The following CTNNA3 variants were observed in gnomAD, a reference collection of about 807,000 sequenced individuals.
CTNNA3 encodes catenin alpha-3.
A neutral mutation model predicts 95.7 loss-of-function variants in CTNNA3; 76 were observed. The observed-to-expected ratio is 0.79, with a 90% confidence interval of 0.66 to 0.96. The LOEUF (loss-of-function observed/expected upper bound fraction) is 0.96, where lower values mean the gene tolerates loss of function less well. Ranked by LOEUF, CTNNA3 falls within the 40% of genes least tolerant of loss-of-function variation. The pLI is 0.00. For synonymous variants in CTNNA3, 431 were observed against 374.4 expected (o/e 1.15, Z -1.74); for missense variants, 1,191 against 1,089.8 (o/e 1.09, Z -1.31).
At chr10:67,728,269 C>T (rs1841255395) in intron 1 of CTNNA3, among the ~76,000 whole-genome samples, 1 of 148,906 alleles carries the variant, frequency 6.7e-6, no homozygotes, top group African/African-American at 2.4e-5. Flanking sequence ...GCCTGGCCAA[C>T]ATGGTGAAAC....
chr10:66,253,374 T>G (rs547863830), intron 13 of CTNNA3, among the ~76,000 whole-genome samples: 1 of 152,186 alleles, frequency 6.6e-6, no homozygotes, highest in Non-Finnish European at 1.5e-5. Flanking sequence ...CTCCCTCTTT[T>G]TTTCAAGCTT....
At chr10:66,471,907 C>T (rs1486663038) in intron 11 of CTNNA3, among the ~76,000 whole-genome samples, 1 of 151,964 alleles carries the variant, frequency 6.6e-6, no homozygotes, top group Non-Finnish European at 1.5e-5. Context: ...TGAAAATGCT[C>T]ATACACTCAA....
At chr10:66,048,397 T>C (rs1278762687) in intron 15 of CTNNA3, among the ~76,000 whole-genome samples, 5 of 152,274 alleles carry the variant, frequency 3.3e-5, no homozygotes, top group East Asian at 1.9e-4. Flanking sequence ...ATTCAATGAA[T>C]GGTGCTGTGA....
chr10:67,699,637 G>A (rs944307674), upstream of CTNNA3, among the ~76,000 whole-genome samples: 1 of 152,204 alleles, frequency 6.6e-6, no homozygotes, highest in African/African-American at 2.4e-5. Flanking sequence ...AAAAGAGAAG[G>A]TGGAGCCAAG....
intron 11 of CTNNA3, among the ~76,000 whole-genome samples, chr10:66,442,325 G>A (rs1053336770): frequency 2.7e-5 from 4 of 150,608 alleles, no homozygotes; most frequent in South Asian, 2.1e-4. Context: ...CATGGATACC[G>A]AGGGATGGCT....
intron 12 of CTNNA3, among the ~76,000 whole-genome samples, chr10:66,284,135 T>C (rs1349282714): frequency 6.6e-6 from 1 of 151,868 alleles, no homozygotes; most frequent in Non-Finnish European, 1.5e-5. Flanking sequence ...TCAAAGTATC[T>C]TGTCTATTTT....
intron 7 of CTNNA3, among the ~76,000 whole-genome samples, chr10:66,937,658 A>T (rs1422906551): frequency 1.3e-5 from 2 of 152,070 alleles, no homozygotes; most frequent in Non-Finnish European, 2.9e-5. Context: ...CCTCCCAACA[A>T]AGCCCAGCTA....
At chr10:67,044,304 C>G (rs545334732) in intron 7 of CTNNA3, among the ~76,000 whole-genome samples, 2 of 151,984 alleles carry the variant, frequency 1.3e-5, no homozygotes, top group Non-Finnish European at 2.9e-5. Flanking sequence ...AACAATTTAA[C>G]GAGGGGGAAG....
chr10:67,176,703 G>C (rs1167344550), intron 7 of CTNNA3, among the ~76,000 whole-genome samples: 1 of 152,178 alleles, frequency 6.6e-6, no homozygotes, highest in Non-Finnish European at 1.5e-5. Flanking sequence ...GGATAATCTG[G>C]GTGGCTCCCA....
intron 13 of CTNNA3, among the ~76,000 whole-genome samples, chr10:66,220,180 G>C (rs2088843133): frequency 6.6e-6 from 1 of 152,122 alleles, no homozygotes; most frequent in African/African-American, 2.4e-5. Context: ...ACATGGGTAA[G>C]ATTTATCTGA....
intron 7 of CTNNA3, among the ~76,000 whole-genome samples, chr10:67,044,016 G>A (rs1393352506): frequency 2.0e-5 from 3 of 151,790 alleles, no homozygotes; most frequent in Non-Finnish European, 4.4e-5. Flanking sequence ...TGATGCTGAG[G>A]TTTGGGGACA....
At position 66,520,941 on chromosome 10, in the gene CTNNA3, A is replaced by C. The variant is rs144977449; in HGVS notation, c.1375-168T>G. Among the ~76,000 whole-genome samples the C allele has an allele frequency of 4.0e-3, 598 of 151,294 alleles. 4 individuals carry two copies. The highest frequency in any genetic ancestry group is 0.014 in the African/African-American group (575 of 41,446). On this transcript the variant is annotated intron_variant, in intron 10 of 17. Coordinates refer to ENST00000433211, the MANE Select transcript of CTNNA3 (RefSeq NM_013266.4). ...ATAAATAAAAAATATTAAAACAATAAAATAAAATTAATTAAATTATACTCA... is the reference window on the plus strand; with the variant it reads ...ATAAATAAAAAATATTAAAACAATACAATAAAATTAATTAAATTATACTCA...
intron 7 of CTNNA3, among the ~76,000 whole-genome samples, chr10:66,866,350 G>T (rs1016638991): frequency 5.3e-5 from 8 of 152,114 alleles, no homozygotes; most frequent in Non-Finnish European, 8.8e-5. Context: ...AAGAGATTAG[G>T]TCTTCACCTT....
At chr10:67,092,034 A>G (rs1857674354) in intron 7 of CTNNA3, among the ~76,000 whole-genome samples, 2 of 151,974 alleles carry the variant, frequency 1.3e-5, no homozygotes, top group African/African-American at 4.8e-5. Flanking sequence ...TAAAAGTAAG[A>G]AAATACGCCT....
intron 7 of CTNNA3, among the ~76,000 whole-genome samples, chr10:66,976,845 C>T (rs1464903923): frequency 1.3e-5 from 2 of 152,174 alleles, no homozygotes; most frequent in South Asian, 2.1e-4. Flanking sequence ...GAGATACCCA[C>T]GTTTTTGTTT....
intron 10 of CTNNA3, among the ~76,000 whole-genome samples, chr10:66,521,401 G>A (rs2132023229): frequency 6.6e-6 from 1 of 152,040 alleles, no homozygotes; most frequent in South Asian, 2.1e-4. Flanking sequence ...ATTATTAACT[G>A]GTGAGAAATG....
At chr10:67,015,633 T>C (rs557942422) in intron 7 of CTNNA3, among the ~76,000 whole-genome samples, 1 of 152,302 alleles carries the variant, frequency 6.6e-6, no homozygotes, top group East Asian at 1.9e-4. Flanking sequence ...TCTCTCAGTA[T>C]TCATTGTTCT....
chr10:66,400,037 A>T (rs2093008254), intron 11 of CTNNA3, among the ~76,000 whole-genome samples: 1 of 152,074 alleles, frequency 6.6e-6, no homozygotes, highest in Non-Finnish European at 1.5e-5. Flanking sequence ...ACATATGCAT[A>T]TTCACACAGA....
intron 11 of CTNNA3, among the ~76,000 whole-genome samples, chr10:66,469,150 A>T (rs1203406544): frequency 6.6e-6 from 1 of 151,958 alleles, no homozygotes; most frequent in Non-Finnish European, 1.5e-5. Context: ...GAACAAAACT[A>T]GAAACAGTCT....
Sources: allele counts gnomAD v4.1 joint callset (sites outside exome capture counted in the v4.1 genomes callset), GRCh38; gene constraint gnomAD v4.1.1; transcripts MANE v1.5; gene names NCBI Gene and HGNC (gene_info 2026-07-23, HGNC 2026-07-21).